The following ABHD17A variants were observed in gnomAD, a reference collection of about 807,000 sequenced individuals.
ABHD17A encodes abhydrolase domain containing 17A, depalmitoylase.
ABHD17A carries 10 observed loss-of-function variants against 26.8 expected under a neutral mutation model. That is an observed-to-expected ratio of 0.37 (90% CI 0.23 to 0.63). ABHD17A has a LOEUF of 0.63. Among genes scored for constraint, ABHD17A ranks in the 30% least tolerant of loss-of-function variants. ABHD17A has a pLI of 0.61. For synonymous variants in ABHD17A, 167 were observed against 210.9 expected, an observed-to-expected ratio of 0.79 and a Z score of 1.80; for missense variants, 292 against 457.3, an observed-to-expected ratio of 0.64 and a Z score of 3.30.
chr19:1,880,038 C>G lies in ABHD17A; in HGVS notation c.410G>C (p.Arg137Pro). 6.2e-7 allele frequency: 1 copy of G among 1,613,042 alleles called. No individual in the cohort carries two copies. The highest frequency in any genetic ancestry group is 8.5e-7 in the Non-Finnish European group (1 of 1,180,008). The change falls in exon 3 of 5, where the codon CGC becomes CCC. Residue 137 changes from arginine to proline, a missense_variant. By Grantham distance (103) the Arg-to-Pro change is moderately radical. Coordinates refer to ENST00000292577, the MANE Select transcript of ABHD17A (RefSeq NM_001130111.2). The surrounding 1 kb of genome is among the most constrained non-coding windows in gnomAD (Gnocchi z 4.1). The stretch of plus-strand genomic sequence containing the variant: ...GTAGGAGAAGATGTTGCAGTGGAGG[C>G]GGGAGCCCAGGCCAATGTAGAAGCT... ...MSSFYIGLGS[R>P]LHCNIFSYDY...
chr19:1,877,206 G>A lies in ABHD17A; in HGVS notation c.927C>T (p.Arg309=), dbSNP rs1168002732. 6.9e-7 allele frequency: 1 copy of A among 1,447,806 alleles called. No homozygotes were observed. Among genetic ancestry groups the A allele is most frequent in the Non-Finnish European group, 9.4e-7 (1 of 1,067,218 alleles). 89.7% of individuals were successfully genotyped at this position (1,447,806 alleles called of 1,614,324 possible). A position where few individuals can be genotyped will look rare whatever the true frequency, so the allele number is the denominator to read the frequency against. Residue 309 remains arginine (R), a synonymous_variant, in exon 5 of 5, where the codon CGC becomes CGT. Transcript: ENST00000292577. The stretch of plus-strand genomic sequence containing the variant: ...CGGCCGGTTGGGGCCGCCGCTAGGC[G>A]CGCTGGCTGGGCAGCTCCTGGGAGA... The part of the protein sequence containing the change: ...RFISQELPSQ[R]A
chr19:1,876,988 T>C lies in ABHD17A; in HGVS notation c.*212A>G, dbSNP rs1160239700. Reference sequence around the variant, plus strand: ...AGGAGAGCAGCCCTAAAATTTTAAATCTTTAATTTCCGTTTTCACGTATTT... The same window carrying C: ...AGGAGAGCAGCCCTAAAATTTTAAACCTTTAATTTCCGTTTTCACGTATTT... On this transcript the variant is annotated 3_prime_UTR_variant, in exon 5 of 5. Transcript: ENST00000292577. 1.7e-6 allele frequency: 1 copy of C among 579,422 alleles called. No homozygotes were observed. Among genetic ancestry groups the C allele is most frequent in the Admixed American group, 3.1e-5 (1 of 32,452 alleles). 35.9% of individuals were successfully genotyped at this position (579,422 alleles called of 1,614,324 possible).
rs374117666 is a variant in ABHD17A, at chr19:1,880,965, C to T, written c.332+270G>A. On this transcript the variant is annotated intron_variant, in intron 2 of 4. Coordinates refer to ENST00000292577, the MANE Select transcript of ABHD17A (RefSeq NM_001130111.2). The surrounding 1 kb of genome is among the most constrained non-coding windows in gnomAD (Gnocchi z 4.1). ...GCCCCAGCTCTTGCCCAGCAGGCAA[C>T]CACCAGGCGCTGGGTTGTTGGAGTC... is the stretch of plus-strand genomic sequence containing the variant. The T allele has an allele frequency of 2.5e-6, 4 of 1,612,558 alleles. No individual in the cohort carries two copies. In the African/African-American group the frequency reaches 4.0e-5, roughly 16 times the overall value.
rs1185608565 is a variant in ABHD17A at position 1,879,095 on chromosome 19, C to G, written c.527+826G>C. 6.6e-6 allele frequency: 1 copy of G among 152,292 alleles called. No individual in the cohort carries two copies. The highest frequency in any genetic ancestry group is 2.4e-5 in the African/African-American group (1 of 41,430). 9.4% of individuals were successfully genotyped at this position (152,292 alleles called of 1,614,324 possible). A position where few individuals can be genotyped will look rare whatever the true frequency, so the allele number is the denominator to read the frequency against. ...CCAGAGCCAGGGTGGTGCCAGGGGA[C>G]CAGCTCCCAGGCCCACTGCAGGGAC... On this transcript the variant is annotated intron_variant, in intron 3 of 4. Coordinates refer to ENST00000292577, the MANE Select transcript of ABHD17A (RefSeq NM_001130111.2). This position sits in a 1 kb window ranked among gnomAD's most constrained non-coding sequence, Gnocchi z 7.6.
rs1332250270 is a variant in ABHD17A, at chr19:1,877,389, G to A, written c.744C>T (p.Leu248=). 4.6e-5 allele frequency: 72 copies of A among 1,564,562 alleles called. No individual in the cohort carries two copies. Among genetic ancestry groups the A allele is most frequent in the Non-Finnish European group, 5.9e-5 (68 of 1,162,236 alleles). The change falls in exon 5 of 5, where the codon CTC becomes CTT. Residue 248 remains leucine, a synonymous_variant. Transcript: ENST00000292577. Reference sequence around the variant, plus strand: ...CCTCGTCCTCCGTGCCGTGGATGATGAGCACGGGAGACGTGATCTTGGACA... The same window carrying A: ...CCTCGTCCTCCGTGCCGTGGATGATAAGCACGGGAGACGTGATCTTGGACA... ...EKVSKITSPV[L]IIHGTEDEVI... is the part of the protein sequence containing the mutation.
Position 1,877,580 on chromosome 19 carries a change from G to A in ABHD17A, c.635C>T (p.Ser212Leu), listed in dbSNP as rs2012403564. 1 of 1,595,302 alleles carries A rather than the reference G, an allele frequency of 6.3e-7. No homozygotes were observed. The highest frequency in any genetic ancestry group is 8.5e-7 in the Non-Finnish European group (1 of 1,178,996). The change falls in exon 4 of 5, where the codon TCG becomes TTG. Residue 212 changes from serine to leucine, a missense_variant. Around this residue, in one of 4 missense-constraint regions of ABHD17A, gnomAD observed 8 missense variants for 66.6 expected, o/e 0.12. Coordinates refer to ENST00000292577, the MANE Select transcript of ABHD17A (RefSeq NM_001130111.2). ...GACGCGCATGCCCGAGGTGAGCGGC[G>A]AGTGCAGCACCACCGCGGCACACTC... Reference protein sequence around the residue: ...RYECAAVVLHSPLTSGMRVAF... With the variant: ...RYECAAVVLHLPLTSGMRVAF...
rs1024269567 is a variant in ABHD17A at position 1,879,370 on chromosome 19, G to A, written c.527+551C>T. 4.2e-5 allele frequency: 7 copies of A among 167,778 alleles called. No individual in the cohort carries two copies. The highest frequency in any genetic ancestry group is 1.4e-4 in the African/African-American group (6 of 41,524). The allele number at this position is 167,778 out of a possible 1,614,324, so 10.4% of individuals were successfully genotyped here. On this transcript the variant is annotated intron_variant, in intron 3 of 4. Coordinates refer to ENST00000292577, the MANE Select transcript of ABHD17A (RefSeq NM_001130111.2). This position sits in a 1 kb window ranked among gnomAD's most constrained non-coding sequence, Gnocchi z 7.6. ...CCCAGGCAAGCGCAGGGCTGGGGACGTGGATGACTAGGAGGGCTGGATCTG... is the reference window on the plus strand; with the variant it reads ...CCCAGGCAAGCGCAGGGCTGGGGACATGGATGACTAGGAGGGCTGGATCTG...
chr19:1,882,475 G>A (rs1349242551), intron 1 of ABHD17A: 1 of 152,206 alleles, frequency 6.6e-6, no homozygotes, highest in Non-Finnish European at 1.5e-5. Flanking sequence ...GAGGTGGGCT[G>A]GCGTCAGGGG....
In ABHD17A at chr19:1,877,000, G is replaced by A. The variant is rs1291615842; in HGVS notation, c.*200C>T. 1.5e-5 allele frequency: 9 copies of A among 583,652 alleles called. No individual in the cohort carries two copies. The highest frequency in any genetic ancestry group is 9.5e-5 in the African/African-American group (5 of 52,512). 36.2% of individuals were successfully genotyped at this position (583,652 alleles called of 1,614,324 possible). On this transcript the variant is annotated 3_prime_UTR_variant, in exon 5 of 5. Coordinates refer to ENST00000292577, the MANE Select transcript of ABHD17A (RefSeq NM_001130111.2). Reference sequence around the variant, plus strand: ...CTAAAATTTTAAATCTTTAATTTCCGTTTTCACGTATTTTCTTCTTGCTTC... The same window carrying A: ...CTAAAATTTTAAATCTTTAATTTCCATTTTCACGTATTTTCTTCTTGCTTC...
chr19:1,877,327 C>A lies in ABHD17A; in HGVS notation c.806G>T (p.Arg269Leu). 6.5e-7 allele frequency: 1 copy of A among 1,528,520 alleles called. No individual in the cohort carries two copies. Among genetic ancestry groups the A allele is most frequent in the Non-Finnish European group, 8.7e-7 (1 of 1,145,038 alleles). 94.7% of individuals were successfully genotyped at this position (1,528,520 alleles called of 1,614,324 possible). A position where few individuals can be genotyped will look rare whatever the true frequency, so the allele number is the denominator to read the frequency against. ...CAGCGGCTCCACCGCCTTGGGGCAG[C>A]GCTCGTAGAGCGCCAGCCCGTGCGA... The part of the protein sequence containing the change: ...DFSHGLALYE[R>L]CPKAVEPLWV... Residue 269 changes from arginine (R) to leucine (L), a missense_variant, in exon 5 of 5, where the codon CGC (arginine) becomes CTC (leucine). Arg to Leu is a moderately radical substitution (Grantham distance 102, BLOSUM62 -2). This residue lies in a region of ABHD17A where 88 missense variants were observed against 134.3 expected (regional missense o/e 0.66). Coordinates refer to ENST00000292577, the MANE Select transcript of ABHD17A (RefSeq NM_001130111.2).
At chr19:1,881,972 G>T in intron 1 of ABHD17A, 168 bp from the exon 2 acceptor site, 1 of 186,474 alleles carries the variant, frequency 5.4e-6, no homozygotes, top group Non-Finnish European at 1.1e-5. Flanking sequence ...GCACCCTACA[G>T]CTCAGGGGAC....
rs562425666 is a variant in ABHD17A at position 1,880,541 on chromosome 19, C to A, written c.333-426G>T. ...AGCGCACAGGCCCACCTTTCAGGAC[C>A]TTCCCAGGGGAGCCCATGCTGCTGC... On this transcript the variant is annotated intron_variant, in intron 2 of 4. Transcript: ENST00000292577. This position sits in a 1 kb window ranked among gnomAD's most constrained non-coding sequence, Gnocchi z 4.1. Among the ~76,000 whole-genome samples, 10 of 152,350 alleles carry A rather than the reference C, an allele frequency of 6.6e-5. No individual in the cohort carries two copies. The South Asian group carries it at 2.1e-3, about 32-fold the overall frequency.
Position 1,880,769 on chromosome 19 carries a change from G to C in ABHD17A, c.332+466C>G. 4.4e-6 allele frequency: 6 copies of C among 1,354,360 alleles called. No individual in the cohort carries two copies. The highest frequency in any genetic ancestry group is 5.0e-6 in the Non-Finnish European group (5 of 991,118). The allele number at this position is 1,354,360 out of a possible 1,614,324, so 83.9% of individuals were successfully genotyped here. On this transcript the variant is annotated intron_variant, in intron 2 of 4. Transcript: ENST00000292577. The surrounding 1 kb of genome is among the most constrained non-coding windows in gnomAD (Gnocchi z 4.1). The stretch of plus-strand genomic sequence containing the variant: ...CCCAGCACGGGAGCTGCCCCAGGTG[G>C]TGCCAGGAGCAGGTGGCCAGGCTGG...
chr19:1,884,168 C>T (rs1380188267), intron 1 of ABHD17A, among the ~76,000 whole-genome samples: 1 of 152,156 alleles, frequency 6.6e-6, no homozygotes, highest in Non-Finnish European at 1.5e-5. Flanking sequence ...TCTCCCCCCA[C>T]CTCCAAACCA....
chr19:1,880,852 G>A lies in ABHD17A; in HGVS notation c.332+383C>T. 1.2e-6 allele frequency: 2 copies of A among 1,609,918 alleles called. No individual in the cohort carries two copies. Among genetic ancestry groups the A allele is most frequent in the Non-Finnish European group, 1.7e-6 (2 of 1,177,928 alleles). ...AGGCCCCCACCTAGCCCAGCCAGAAGGTAAAGGCTCGCCCTCTGGACTCAG... is the reference window on the plus strand; with the variant it reads ...AGGCCCCCACCTAGCCCAGCCAGAAAGTAAAGGCTCGCCCTCTGGACTCAG... On this transcript the variant is annotated intron_variant, in intron 2 of 4. Coordinates refer to ENST00000292577, the MANE Select transcript of ABHD17A (RefSeq NM_001130111.2). This position sits in a 1 kb window ranked among gnomAD's most constrained non-coding sequence, Gnocchi z 4.1.
In ABHD17A at chr19:1,880,199, C is replaced by G. The variant is rs999314703; in HGVS notation, c.333-84G>C. The stretch of plus-strand genomic sequence containing the variant: ...AGGAGGATGCGTAGTGACAGCCCAC[C>G]CCGGTGGCCAGCCATGCCCAGTGCC... On this transcript the variant is annotated intron_variant, in intron 2 of 4. Transcript: ENST00000292577. This position sits in a 1 kb window ranked among gnomAD's most constrained non-coding sequence, Gnocchi z 4.1. 3 of 1,481,658 alleles carry G rather than the reference C, an allele frequency of 2.0e-6. No individual in the cohort carries two copies. The highest frequency in any genetic ancestry group is 2.8e-6 in the Non-Finnish European group (3 of 1,084,716). 91.8% of individuals were successfully genotyped at this position (1,481,658 alleles called of 1,614,324 possible).
chr19:1,881,600 G>C lies in ABHD17A; in HGVS notation c.-34C>G, dbSNP rs760211281. The C allele has an allele frequency of 2.0e-6, 3 of 1,509,624 alleles. No homozygotes were observed. Among genetic ancestry groups the C allele is most frequent in the Non-Finnish European group, 2.6e-6 (3 of 1,139,138 alleles). 93.5% of individuals were successfully genotyped at this position (1,509,624 alleles called of 1,614,324 possible). A position where few individuals can be genotyped will look rare whatever the true frequency, so the allele number is the denominator to read the frequency against. On this transcript the variant is annotated 5_prime_UTR_variant, in exon 2 of 5. Transcript: ENST00000292577. ...CCGCCCAGGCCGGGCCTCCACCGGG[G>C]CCCCCGCCAACAACGCCGCCCGGCC...
At position 1,881,562 on chromosome 19, in the gene ABHD17A, T is replaced by C; in HGVS notation, c.5A>G (p.Asn2Ser). 1.3e-6 allele frequency: 2 copies of C among 1,595,702 alleles called. No homozygotes were observed. Among genetic ancestry groups the C allele is most frequent in the Non-Finnish European group, 1.7e-6 (2 of 1,175,884 alleles). Reference sequence around the variant, plus strand: ...GCAGAGCTCACTCAGCGACAGCCCATTCATGGCGGGCGCCGCCCAGGCCGG... The same window carrying C: ...GCAGAGCTCACTCAGCGACAGCCCACTCATGGCGGGCGCCGCCCAGGCCGG... The part of the protein sequence containing the change: M[N>S]GLSLSELCCL... The change falls in exon 2 of 5, where the codon AAT (asparagine) becomes AGT (serine). Residue 2 changes from asparagine to serine, a missense_variant. Asn to Ser is a conservative substitution (Grantham distance 46). Around this residue, in one of 4 missense-constraint regions of ABHD17A, gnomAD observed 171 missense variants for 216.1 expected, o/e 0.79. Coordinates refer to ENST00000292577, the MANE Select transcript of ABHD17A (RefSeq NM_001130111.2).
At chr19:1,883,899 G>A (rs1261063969) in intron 1 of ABHD17A, 2 of 152,756 alleles carry the variant, frequency 1.3e-5, no homozygotes, top group Non-Finnish European at 1.5e-5. Flanking sequence ...TGCCAGGTCC[G>A]CATTCCGGCT....
Sources: allele counts gnomAD v4.1 joint callset (sites outside exome capture counted in the v4.1 genomes callset), GRCh38; gene constraint gnomAD v4.1.1; regional missense constraint gnomAD v4.1.1; non-coding constraint Gnocchi (gnomAD v3.1); transcripts MANE v1.5; gene names NCBI Gene and HGNC (gene_info 2026-07-23, HGNC 2026-07-21).